The following YTHDC2 variants were observed in gnomAD, a reference collection of about 807,000 sequenced individuals.
The protein encoded by YTHDC2 is YTH N6-methyladenosine RNA binding protein C2.
A neutral mutation model predicts 174.9 loss-of-function variants in YTHDC2; 45 were observed. That is an observed-to-expected ratio of 0.26 (90% CI 0.20 to 0.33). The LOEUF (loss-of-function observed/expected upper bound fraction) is 0.33. Among genes scored for constraint, YTHDC2 ranks in the 10% least tolerant of loss-of-function variants. YTHDC2 has a pLI of 1.00. For missense variants in YTHDC2, 1,650 were observed against 1,723.7 expected, an observed-to-expected ratio of 0.96 and a Z score of 0.76; for synonymous variants, 657 against 574.5, an observed-to-expected ratio of 1.14 and a Z score of -2.05.
chr5:113,554,157 T>A (rs1270087679), intron 16 of YTHDC2, 135 bp downstream of exon 16: 1 of 722,050 alleles, frequency 1.4e-6, no homozygotes, highest in Admixed American at 3.8e-5. Context: ...CAGCGCATGC[T>A]TTTATAAGCA....
intron 9 of YTHDC2, 48 bp from the exon 10 acceptor site, chr5:113,542,320 A>G: frequency 6.3e-7 from 1 of 1,588,786 alleles, no homozygotes; most frequent in Admixed American, 1.8e-5. Flanking sequence ...TTTGCAAGCA[A>G]ATGTTAGGTA....
intron 18 of YTHDC2, among the ~76,000 whole-genome samples, chr5:113,561,584 T>C (rs1269155502): frequency 1.3e-5 from 2 of 151,786 alleles, no homozygotes; most frequent in African/African-American, 4.8e-5. Flanking sequence ...TTCTCTGGCC[T>C]CAGCCTCCCG....
intron 23 of YTHDC2, among the ~76,000 whole-genome samples, chr5:113,569,537 G>A (rs1310344264): frequency 6.6e-6 from 1 of 152,046 alleles, no homozygotes; most frequent in Non-Finnish European, 1.5e-5. Flanking sequence ...GTTAGGAAGG[G>A]GCCCAGTTTC....
chr5:113,532,958 C>T lies in YTHDC2; in HGVS notation c.755C>T (p.Ala252Val). The T allele has an allele frequency of 6.2e-7, 1 of 1,614,158 alleles. No individual in the cohort carries two copies. The highest frequency in any genetic ancestry group is 8.5e-7 in the Non-Finnish European group (1 of 1,180,020). The change falls in exon 5 of 30, where the codon GCA (alanine) becomes GTA (valine). Residue 252 changes from alanine to valine, a missense_variant. Physicochemically the swap from Ala to Val is moderately conservative, Grantham distance 64. Around this residue, in one of 5 missense-constraint regions of YTHDC2, gnomAD observed 304 missense variants for 341.4 expected, o/e 0.89. Coordinates refer to ENST00000161863, the MANE Select transcript of YTHDC2 (RefSeq NM_022828.5). Reference sequence around the variant, plus strand: ...TTTTGTACTCAACCAAGACGATTGGCAGCTATCGCTGTGGCTGAAAGAGTT... The same window carrying T: ...TTTTGTACTCAACCAAGACGATTGGTAGCTATCGCTGTGGCTGAAAGAGTT... ...RIFCTQPRRL[A>V]AIAVAERVAA...
chr5:113,570,231 G>A (rs986995779), intron 23 of YTHDC2, among the ~76,000 whole-genome samples: 2 of 151,884 alleles, frequency 1.3e-5, no homozygotes, highest in Admixed American at 1.3e-4. Context: ...TGAGTAGCTG[G>A]GATTACAGGC....
intron 26 of YTHDC2, among the ~76,000 whole-genome samples, chr5:113,587,009 A>C (rs1778727651): frequency 0.5 from 1 of 2 alleles, no homozygotes; most frequent in African/African-American, 0.5. Context: ...TTATGTATTC[A>C]TATATAATAT....
intron 5 of YTHDC2, among the ~76,000 whole-genome samples, chr5:113,533,474 G>A (rs1198293049): frequency 4.0e-5 from 6 of 151,856 alleles, no homozygotes; most frequent in Admixed American, 3.9e-4. Context: ...GTTTGAACCC[G>A]GAAGGCGGAG....
At chr5:113,539,398 G>T (rs985352295) in intron 8 of YTHDC2, among the ~76,000 whole-genome samples, 1 of 152,178 alleles carries the variant, frequency 6.6e-6, no homozygotes, top group Admixed American at 6.5e-5. Context: ...GAAAGTGGGT[G>T]CCAGAGTTGA....
chr5:113,539,224 A>G, intron 8 of YTHDC2, 43 bp downstream of exon 8: 1 of 881,018 alleles, frequency 1.1e-6, no homozygotes, highest in Non-Finnish European at 1.6e-6. Flanking sequence ...ATTACTATTG[A>G]TAATGACTTT....
At chr5:113,524,007 G>A (rs1433647629) in intron 2 of YTHDC2, among the ~76,000 whole-genome samples, 1 of 151,992 alleles carries the variant, frequency 6.6e-6, no homozygotes, top group Non-Finnish European at 1.5e-5. Flanking sequence ...TTTATTTAGA[G>A]TCTACTCTGC....
chr5:113,553,123 A>G (rs1776362032), intron 12 of YTHDC2, 58 bp from the exon 13 acceptor site: 1 of 1,416,630 alleles, frequency 7.1e-7, no homozygotes, highest in Non-Finnish European at 9.2e-7. Flanking sequence ...TGAAGGACAT[A>G]AGGATTACTT....
intron 2 of YTHDC2, among the ~76,000 whole-genome samples, chr5:113,516,692 GAGGGA>G (rs1773446939): frequency 6.6e-6 from 1 of 150,474 alleles, no homozygotes; most frequent in South Asian, 2.1e-4. Context: ...TACTGACATA[GAGGGA>G]AGAAAAGGAT....
intron 26 of YTHDC2, among the ~76,000 whole-genome samples, chr5:113,589,408 A>AAAAAAAAATATATATATATATATAT (rs368975720): frequency 1.6e-5 from 2 of 123,260 alleles, no homozygotes; most frequent in Admixed American, 1.6e-4. Context: ...AAAAAAAAAA[A>AAAAAAAAATATATATATATATATAT]ATATATATAT....
intron 10 of YTHDC2, among the ~76,000 whole-genome samples, chr5:113,543,967 C>T (rs1259667977): frequency 6.6e-6 from 1 of 152,108 alleles, no homozygotes; most frequent in African/African-American, 2.4e-5. Flanking sequence ...TCCTTACTCT[C>T]CTTTATTATT....
intron 3 of YTHDC2, among the ~76,000 whole-genome samples, chr5:113,525,851 C>T (rs1774189306): frequency 6.6e-6 from 1 of 152,060 alleles, no homozygotes; most frequent in Non-Finnish European, 1.5e-5. Flanking sequence ...TGGAATAGAT[C>T]AGCAGAATAT....
Position 113,542,439 on chromosome 5 carries a change from G to T in YTHDC2, c.1431G>T (p.Trp477Cys), listed in dbSNP as rs767453478. 6.2e-7 allele frequency: 1 copy of T among 1,612,378 alleles called. No homozygotes were observed. The highest frequency in any genetic ancestry group is 8.5e-7 in the Non-Finnish European group (1 of 1,179,306). Residue 477 changes from tryptophan to cysteine, a missense_variant, in exon 10 of 30, where the codon TGG becomes TGT. Around this residue, in one of 5 missense-constraint regions of YTHDC2, gnomAD observed 411 missense variants for 380.6 expected, o/e 1.08. Transcript: ENST00000161863. ...TGGATGCTTGCCTTTCTGATATATGGCTACATAAAGATATTGATGCCTTTG... is the reference window on the plus strand; with the variant it reads ...TGGATGCTTGCCTTTCTGATATATGTCTACATAAAGATATTGATGCCTTTG... ...KEMDACLSDIWLHKDIDAFAQ... is the reference protein window; with the variant it reads ...KEMDACLSDICLHKDIDAFAQ...
intron 26 of YTHDC2, among the ~76,000 whole-genome samples, chr5:113,589,611 A>C (rs1319706530): frequency 6.6e-6 from 1 of 151,676 alleles, no homozygotes; most frequent in Non-Finnish European, 1.5e-5. Flanking sequence ...GGCCACCTGT[A>C]TTCCTAGCTA....
chr5:113,514,282 T>G (rs1263252196), intron 1 of YTHDC2, 200 bp downstream of exon 1: 1 of 719,726 alleles, frequency 1.4e-6, no homozygotes, highest in Non-Finnish European at 2.5e-6. Context: ...CGAGGTGCTC[T>G]GCGGATCAAT....
At chr5:113,591,628 G>A (rs1258487664) in intron 27 of YTHDC2, among the ~76,000 whole-genome samples, 3 of 151,898 alleles carry the variant, frequency 2.0e-5, no homozygotes, top group East Asian at 3.9e-4. Flanking sequence ...TTGACTTAAT[G>A]TATACCTGAA....
Sources: gnomAD v4.1 joint callset for allele counts (sites outside exome capture counted in the v4.1 genomes callset) on GRCh38, gnomAD v4.1.1 for gene constraint, gnomAD v4.1.1 regional missense constraint, MANE v1.5 for transcripts, NCBI Gene and HGNC (gene_info 2026-07-23, HGNC 2026-07-21) for gene names.